The following XPO6 variants were observed in gnomAD, a reference collection of about 807,000 sequenced individuals.
XPO6 encodes exportin 6.
XPO6 carries 3 observed loss-of-function variants against 130.0 expected under a neutral mutation model. That is an observed-to-expected ratio of 0.02 (90% CI 0.01 to 0.06). The LOEUF (loss-of-function observed/expected upper bound fraction) is 0.06, where lower values mean the gene tolerates loss of function less well. Among genes scored for constraint, XPO6 ranks in the 10% least tolerant of loss-of-function variants. The pLI is 1.00. For missense variants in XPO6, 970 were observed against 1,393.0 expected (o/e 0.70, Z 4.83); for synonymous variants, 524 against 548.9 (o/e 0.95, Z 0.63).
chr16:28,146,204 C>T lies in XPO6; in HGVS notation c.1225-1G>A. ...AAGAGAAGTAACCTTCATGAGTAGG[C>T]TATGGTACAAAAAAAATCCAGACAA... is the stretch of plus-strand genomic sequence containing the variant. On this transcript the variant is annotated splice_acceptor_variant, in intron 8 of 23. Transcript: ENST00000304658. LOFTEE classifies it high-confidence loss of function. 1 of 1,606,216 alleles carries T rather than the reference C, an allele frequency of 6.2e-7. No homozygotes were observed. The highest frequency in any genetic ancestry group is 8.5e-7 in the Non-Finnish European group (1 of 1,173,262).
rs966491875 is a variant in XPO6 at position 28,132,243 on chromosome 16, C to A, written c.1606+91G>T. 2.0e-6 allele frequency: 2 copies of A among 990,904 alleles called. No homozygotes were observed. Among genetic ancestry groups the A allele is most frequent in the Non-Finnish European group, 3.1e-6 (2 of 653,588 alleles). The allele number at this position is 990,904 out of a possible 1,614,324, so 61.4% of individuals were successfully genotyped here. A position where few individuals can be genotyped will look rare whatever the true frequency, so the allele number is the denominator to read the frequency against. ...AGTGGGGAGGCTGCAGTGAAGAAAT[C>A]ATGTTCCGACAGCAACGGCAGCAGT... On this transcript the variant is annotated intron_variant, in intron 12 of 23. Coordinates refer to ENST00000304658, the MANE Select transcript of XPO6 (RefSeq NM_015171.4). The surrounding 1 kb of genome is among the most constrained non-coding windows in gnomAD (Gnocchi z 4.0).
At chr16:28,210,616 T>C (rs551218689) in intron 1 of XPO6, among the ~76,000 whole-genome samples, 1 of 152,166 alleles carries the variant, frequency 6.6e-6, no homozygotes, top group Non-Finnish European at 1.5e-5. Flanking sequence ...AGTATCGGTC[T>C]AGAAAACGTG....
chr16:28,138,357 T>A (rs2042821959), intron 9 of XPO6, among the ~76,000 whole-genome samples: 1 of 152,216 alleles, frequency 6.6e-6, no homozygotes, highest in Admixed American at 6.5e-5. Flanking sequence ...TTTTGTCATC[T>A]ATAAATTGTC....
Position 28,104,610 on chromosome 16 carries a change from C to T in XPO6, c.2882G>A (p.Ser961Asn). Reference sequence around the variant, plus strand: ...CTCCTCAGCGATCCCCCTCTGGACACTGGCCAGCACGGTGGACTTGAAGAA... The same window carrying T: ...CTCCTCAGCGATCCCCCTCTGGACATTGGCCAGCACGGTGGACTTGAAGAA... ...RYFFKSTVLA[S>N]VQRGIAEEQM... The change falls in exon 21 of 24, where the codon AGT (serine) becomes AAT (asparagine). Residue 961 changes from serine (S) to asparagine (N), a missense_variant. Physicochemically the swap from Ser to Asn is conservative, Grantham distance 46 (BLOSUM62 1). Coordinates refer to ENST00000304658, the MANE Select transcript of XPO6 (RefSeq NM_015171.4). The T allele has an allele frequency of 1.2e-6, 2 of 1,614,224 alleles. No individual in the cohort carries two copies. The highest frequency in any genetic ancestry group is 1.3e-5 in the African/African-American group (1 of 75,066).
At chr16:28,121,093 T>C (rs1367021354) in intron 14 of XPO6, among the ~76,000 whole-genome samples, 1 of 152,260 alleles carries the variant, frequency 6.6e-6, no homozygotes, top group Non-Finnish European at 1.5e-5. Flanking sequence ...CCTAACAGCA[T>C]CCCATGTTAT....
intron 15 of XPO6, among the ~76,000 whole-genome samples, chr16:28,116,204 G>A (rs561798310): frequency 1.4e-4 from 21 of 151,954 alleles, no homozygotes; most frequent in Non-Finnish European, 2.6e-4. Context: ...GCTCACGCCC[G>A]TAATCCCAGC....
At chr16:28,112,652 A>G (rs145789553) in intron 16 of XPO6, among the ~76,000 whole-genome samples, 31 of 152,406 alleles carry the variant, frequency 2.0e-4, no homozygotes, top group African/African-American at 7.2e-4. Context: ...ACCAGGCTGC[A>G]AAGCAGCAAA....
intron 1 of XPO6, among the ~76,000 whole-genome samples, chr16:28,186,449 T>C (rs2043697337): frequency 6.8e-6 from 1 of 148,028 alleles, no homozygotes; most frequent in Admixed American, 6.9e-5. Context: ...CCTAGTTCAC[T>C]GAGGCCTCAA....
rs553092041 is a variant in XPO6, at chr16:28,166,630, G to A, written c.566-45C>T. On this transcript the variant is annotated intron_variant, in intron 5 of 23. Transcript: ENST00000304658. ...AGAGTTATAAGAGAAATAATGTCCA[G>A]CATATAAAAATCATATTTAGAGAAA... 6 of 1,552,236 alleles carry A rather than the reference G, an allele frequency of 3.9e-6. No individual in the cohort carries two copies. In the Admixed American group the frequency reaches 9.8e-5, roughly 25 times the overall value.
chr16:28,110,611 C>A (rs1352443382), intron 17 of XPO6, among the ~76,000 whole-genome samples: 1 of 152,184 alleles, frequency 6.6e-6, no homozygotes, highest in East Asian at 1.9e-4. Flanking sequence ...AGATAAAGTG[C>A]GGAAAGGAGA....
chr16:28,152,325 A>T (rs1006741561), intron 8 of XPO6, among the ~76,000 whole-genome samples: 1 of 152,222 alleles, frequency 6.6e-6, no homozygotes, highest in Non-Finnish European at 1.5e-5. Context: ...TAAAGGCCGT[A>T]ATTTCAGACT....
At chr16:28,193,927 A>C (rs1489404572) in intron 1 of XPO6, among the ~76,000 whole-genome samples, 1 of 152,156 alleles carries the variant, frequency 6.6e-6, no homozygotes, top group Non-Finnish European at 1.5e-5. Flanking sequence ...TTCCACCCCC[A>C]ACAGGTGGCT....
At chr16:28,139,578 T>C (rs1010263408) in intron 9 of XPO6, among the ~76,000 whole-genome samples, 1 of 152,164 alleles carries the variant, frequency 6.6e-6, no homozygotes, top group African/African-American at 2.4e-5. Context: ...TAGAACACTG[T>C]CTGGTGGGGT....
In XPO6 at chr16:28,121,848, C is replaced by T. The variant is rs1031432215; in HGVS notation, c.1767-86G>A. 1.8e-4 allele frequency: 150 copies of T among 848,664 alleles called. No homozygotes were observed. In the East Asian group the frequency reaches 3.4e-3, roughly 19 times the overall value. The allele number at this position is 848,664 out of a possible 1,614,324, so 52.6% of individuals were successfully genotyped here. A position where few individuals can be genotyped will look rare whatever the true frequency, so the allele number is the denominator to read the frequency against. ...AGACAAGGCTGGTACCAGCAAAGAG[C>T]GTAAGGGCAGACTTTTTCATATACA... On this transcript the variant is annotated intron_variant, in intron 13 of 23. Coordinates refer to ENST00000304658, the MANE Select transcript of XPO6 (RefSeq NM_015171.4).
chr16:28,190,897 G>A (rs537730636), intron 1 of XPO6, among the ~76,000 whole-genome samples: 5 of 1,230 alleles, frequency 4.1e-3, no homozygotes, highest in East Asian at 0.5. Flanking sequence ...AAGAGGGAAC[G>A]TGCAAATAAC....
rs1249900611 is a variant in XPO6 at position 28,152,752 on chromosome 16, G to C, written c.1131C>G (p.Leu377=). ...YIEKFTDFLR[L]FVSVHLRRIE... is the part of the protein sequence containing the mutation. ...TTCTTCTTAGGTGAACACTCACAAA[G>C]AGCCGAAGAAAGTCAGTAAACTTCT... Residue 377 remains leucine, a synonymous_variant, in exon 8 of 24, where the codon CTC becomes CTG. Coordinates refer to ENST00000304658, the MANE Select transcript of XPO6 (RefSeq NM_015171.4). 2 of 1,613,414 alleles carry C rather than the reference G, an allele frequency of 1.2e-6. No homozygotes were observed. The highest frequency in any genetic ancestry group is 1.7e-6 in the Non-Finnish European group (2 of 1,179,762).
chr16:28,176,366 T>G (rs1310969341), intron 3 of XPO6, among the ~76,000 whole-genome samples: 1 of 152,182 alleles, frequency 6.6e-6, no homozygotes, highest in African/African-American at 2.4e-5. Flanking sequence ...CAAAATATAA[T>G]GACAGAAGCA....
At chr16:28,105,097 T>C (rs1347379125) in intron 20 of XPO6, among the ~76,000 whole-genome samples, 3 of 152,234 alleles carry the variant, frequency 2.0e-5, no homozygotes, top group Non-Finnish European at 4.4e-5. Flanking sequence ...TCAGATCTTC[T>C]TGCTTGTTCC....
chr16:28,153,789 A>G, intron 7 of XPO6: 1 of 985,424 alleles, frequency 1.0e-6, no homozygotes, highest in Middle Eastern at 5.2e-4. Flanking sequence ...TCTGAAGCTC[A>G]TTACTGCAAA....
Sources: allele counts gnomAD v4.1 joint callset (sites outside exome capture counted in the v4.1 genomes callset), GRCh38; gene constraint gnomAD v4.1.1; non-coding constraint Gnocchi (gnomAD v3.1); transcripts MANE v1.5; gene names NCBI Gene and HGNC (gene_info 2026-07-23, HGNC 2026-07-21).